CFAP54: variants seen among roughly 807,000 people sequenced by gnomAD.
The protein encoded by CFAP54 is cilia- and flagella-associated protein 54.
A neutral mutation model predicts 370.4 loss-of-function variants in CFAP54; 290 were observed. The ratio of observed to expected loss-of-function variants is 0.78; its 90% CI spans 0.71 to 0.86. The LOEUF (loss-of-function observed/expected upper bound fraction) is 0.86, where lower values mean the gene tolerates loss of function less well. CFAP54 is among the 40% of genes least tolerant of loss of function. The pLI, the probability that CFAP54 is intolerant of heterozygous loss-of-function variation, is 0.00. For missense variants in CFAP54, 3,399 were observed against 3,528.7 expected, an observed-to-expected ratio of 0.96 and a Z score of 0.93; for synonymous variants, 1,206 against 1,236.5, an observed-to-expected ratio of 0.98 and a Z score of 0.52.
At chr12:96,868,403 T>C (rs1191574936) in intron 67 of CFAP54, among the ~76,000 whole-genome samples, 1 of 151,476 alleles carries the variant, frequency 6.6e-6, no homozygotes, top group East Asian at 1.9e-4. Flanking sequence ...TCAGGATCTT[T>C]GCTCAATTTT....
At chr12:96,562,305 A>G (rs2368103) in intron 17 of CFAP54, among the ~76,000 whole-genome samples, 42,796 of 151,906 alleles carry the variant, frequency 0.28, 6,876 homozygotes, top group East Asian at 0.56. Context: ...ATTTCTTTGC[A>G]GTTCATTTTG....
Position 96,650,611 on chromosome 12 carries a change from A to G in CFAP54, c.4872+539A>G, listed in dbSNP as rs373309160. On this transcript the variant is annotated intron_variant, in intron 35 of 67. Transcript: ENST00000524981. ...TTATATGAGACATGATTAAACCCAG[A>G]ATTGGAATTGTTAGCTACAAAGAAA... Among the ~76,000 whole-genome samples, 7 of 152,108 alleles carry G rather than the reference A, an allele frequency of 4.6e-5. No homozygotes were observed. The East Asian group carries it at 7.7e-4, about 17-fold the overall frequency.
At chr12:96,653,933 A>G (rs1327453409) in intron 36 of CFAP54, among the ~76,000 whole-genome samples, 1 of 152,218 alleles carries the variant, frequency 6.6e-6, no homozygotes, top group Non-Finnish European at 1.5e-5. Context: ...GGCTATAACT[A>G]CAAATCCTAT....
At position 96,589,539 on chromosome 12, in the gene CFAP54, A is replaced by G. The variant is rs1451491990; in HGVS notation, c.3188A>G (p.Asn1063Ser). ...QDEQSVICLSNIITITQRRLH... is the reference protein window; with the variant it reads ...QDEQSVICLSSIITITQRRLH... ...GAACAATCTGTTATTTGTTTAAGCA[A>G]TATAATTACTATTACACAAAGAAGG... The change falls in exon 23 of 68, where the codon AAT (asparagine) becomes AGT (serine). Residue 1063 changes from asparagine to serine, a missense_variant. Asn to Ser is a conservative substitution (Grantham distance 46). This residue lies in a region of CFAP54 where 2,796 missense variants were observed against 2,869.7 expected (regional missense o/e 0.97). Transcript: ENST00000524981. The G allele has an allele frequency of 6.8e-6, 10 of 1,466,042 alleles. No individual in the cohort carries two copies. Among genetic ancestry groups the G allele is most frequent in the Non-Finnish European group, 9.2e-6 (10 of 1,084,312 alleles). The allele number at this position is 1,466,042 out of a possible 1,614,324, so 90.8% of individuals were successfully genotyped here.
intron 28 of CFAP54, among the ~76,000 whole-genome samples, chr12:96,624,397 T>A (rs1218180924): frequency 6.6e-6 from 1 of 152,044 alleles, no homozygotes; most frequent in Non-Finnish European, 1.5e-5. Flanking sequence ...ATAGTGTGAG[T>A]GTTGTTAATG....
intron 17 of CFAP54, among the ~76,000 whole-genome samples, chr12:96,561,704 T>C (rs1955817696): frequency 8.0e-6 from 1 of 125,334 alleles, no homozygotes; most frequent in Non-Finnish European, 1.6e-5. Context: ...AGCTAAGAAA[T>C]ACACACACAC....
At chr12:96,735,109 T>C (rs1334178700) in intron 50 of CFAP54, among the ~76,000 whole-genome samples, 3 of 152,316 alleles carry the variant, frequency 2.0e-5, no homozygotes, top group South Asian at 2.1e-4. Flanking sequence ...AAAAATAGCA[T>C]TGGGGTAATA....
In CFAP54 at chr12:96,625,759, C is replaced by T; in HGVS notation, c.3928C>T (p.Leu1310Phe). 3 of 1,535,798 alleles carry T rather than the reference C, an allele frequency of 2.0e-6. No individual in the cohort carries two copies. The highest frequency in any genetic ancestry group is 2.6e-6 in the Non-Finnish European group (3 of 1,146,726). Residue 1310 changes from leucine to phenylalanine, a missense_variant, in exon 29 of 68, where the codon CTT becomes TTT. Leu to Phe is a conservative substitution (Grantham distance 22). Coordinates refer to ENST00000524981, the MANE Select transcript of CFAP54 (RefSeq NM_001306084.2). ...CTCAGGAGGAGAGGACCCTATATTT[C>T]TTTATCCTGTAGTTTTGAATTGGTC... ...ELSGGEDPIF[L>F]YPVVLNWSVK...
chr12:96,739,480 C>G (rs1471301176), intron 50 of CFAP54, among the ~76,000 whole-genome samples: 1 of 152,062 alleles, frequency 6.6e-6, no homozygotes, highest in African/African-American at 2.4e-5. Context: ...AATAATTTAG[C>G]TTGAATTTCT....
intron 39 of CFAP54, among the ~76,000 whole-genome samples, chr12:96,670,482 T>C (rs1957131583): frequency 6.6e-6 from 1 of 152,224 alleles, no homozygotes; most frequent in African/African-American, 2.4e-5. Flanking sequence ...TCATGTCTGT[T>C]GACATTTCAT....
At chr12:96,634,046 CTTTT>C (rs71437232) in intron 32 of CFAP54, among the ~76,000 whole-genome samples, 10 of 56,898 alleles carry the variant, frequency 1.8e-4, no homozygotes, top group South Asian at 9.1e-4. Context: ...TAGCGAACAT[CTTTT>C]TTTTTTTTTT....
intron 5 of CFAP54, among the ~76,000 whole-genome samples, chr12:96,517,521 A>G (rs989236137): frequency 6.6e-5 from 10 of 152,230 alleles, no homozygotes; most frequent in Non-Finnish European, 7.3e-5. Flanking sequence ...AACCCAAACC[A>G]CAACAATCTA....
chr12:96,674,110 C>T (rs1305312494), intron 39 of CFAP54, among the ~76,000 whole-genome samples: 3 of 152,128 alleles, frequency 2.0e-5, no homozygotes, highest in Non-Finnish European at 2.9e-5. Flanking sequence ...TTTAAGTTCT[C>T]TGGTAGAGTT....
chr12:96,491,695 T>G (rs1255039263), intron 1 of CFAP54, among the ~76,000 whole-genome samples: 1 of 152,212 alleles, frequency 6.6e-6, no homozygotes, highest in East Asian at 1.9e-4. Context: ...TTCTGCTGAC[T>G]GGCCAAGTAA....
chr12:96,640,795 T>C (rs1347194135), intron 32 of CFAP54, among the ~76,000 whole-genome samples: 2 of 152,188 alleles, frequency 1.3e-5, no homozygotes, highest in African/African-American at 2.4e-5. Context: ...ATCTGATCTT[T>C]GACAAACCTG....
chr12:96,611,616 C>A (rs1046221315), intron 26 of CFAP54, among the ~76,000 whole-genome samples: 1 of 152,104 alleles, frequency 6.6e-6, no homozygotes, highest in Non-Finnish European at 1.5e-5. Flanking sequence ...TAAAACCCAT[C>A]GCAAAGAAGC....
intron 61 of CFAP54, among the ~76,000 whole-genome samples, chr12:96,786,199 T>A (rs1035031460): frequency 7.5e-6 from 1 of 132,904 alleles, no homozygotes; most frequent in Non-Finnish European, 1.6e-5. Context: ...TTTTTTTTAA[T>A]CTTTTTTTTT....
chr12:96,678,621 A>G (rs111833239), intron 39 of CFAP54, among the ~76,000 whole-genome samples: 2 of 152,138 alleles, frequency 1.3e-5, no homozygotes, highest in Admixed American at 6.5e-5. Context: ...AGTTTTCCCT[A>G]TCCTCGAAGG....
chr12:96,797,870 TC>T (rs1204813926), intron 63 of CFAP54, among the ~76,000 whole-genome samples: 1 of 152,044 alleles, frequency 6.6e-6, no homozygotes, highest in Non-Finnish European at 1.5e-5. Flanking sequence ...TTGGTTTAAA[TC>T]TACCTTGCTT....
Sources: allele counts gnomAD v4.1 joint callset (sites outside exome capture counted in the v4.1 genomes callset), GRCh38; gene constraint gnomAD v4.1.1; regional missense constraint gnomAD v4.1.1; transcripts MANE v1.5; gene names NCBI Gene and HGNC (gene_info 2026-07-23, HGNC 2026-07-21).